COL4A2: variants seen among roughly 807,000 people sequenced by gnomAD.
COL4A2 encodes the protein collagen type IV alpha 2 chain.
A neutral mutation model predicts 200.2 loss-of-function variants in COL4A2; 99 were observed. The ratio of observed to expected loss-of-function variants is 0.49; its 90% CI spans 0.42 to 0.58. The LOEUF is 0.58. Among genes scored for constraint, COL4A2 ranks in the 20% least tolerant of loss-of-function variants. COL4A2 has a pLI of 0.00. For missense variants in COL4A2, 1,950 were observed against 2,314.1 expected (o/e 0.84, Z 3.23); for synonymous variants, 897 against 900.6 (o/e 1.00, Z 0.07).
At chr13:110,505,119 G>T (rs747828601) in intron 45 of COL4A2, among the ~76,000 whole-genome samples, 2 of 151,900 alleles carry the variant, frequency 1.3e-5, no homozygotes, top group Non-Finnish European at 2.9e-5. Context: ...GGGAGGCTGA[G>T]GTGGGCGGAT....
In COL4A2 at chr13:110,448,317, C is replaced by T. The variant is rs545321481; in HGVS notation, c.1079-1362C>T. Reference sequence around the variant, plus strand: ...GAGAACCCAACTCTCACCAACCCCTCCCTTCTCACCGTACTATATTCCTGG... The same window carrying T: ...GAGAACCCAACTCTCACCAACCCCTTCCTTCTCACCGTACTATATTCCTGG... On this transcript the variant is annotated intron_variant, in intron 18 of 47. Coordinates refer to ENST00000360467, the MANE Select transcript of COL4A2 (RefSeq NM_001846.4). Among the ~76,000 whole-genome samples the T allele has an allele frequency of 2.6e-5, 4 of 152,350 alleles. No individual in the cohort carries two copies. The South Asian group carries it at 8.3e-4, about 32-fold the overall frequency.
chr13:110,383,553 C>T (rs1285305900), intron 4 of COL4A2, among the ~76,000 whole-genome samples: 2 of 150,496 alleles, frequency 1.3e-5, no homozygotes, highest in East Asian at 3.9e-4. Context: ...ACATAATAAA[C>T]CAAGATGCTA....
chr13:110,479,454 G>A (rs572090378), intron 30 of COL4A2, among the ~76,000 whole-genome samples: 1 of 152,404 alleles, frequency 6.6e-6, no homozygotes, highest in South Asian at 2.1e-4. Flanking sequence ...GACCACCCCA[G>A]CAGAGGCAGA....
chr13:110,441,065 G>A (rs1566534722), intron 16 of COL4A2, among the ~76,000 whole-genome samples: 2 of 152,176 alleles, frequency 1.3e-5, no homozygotes, highest in African/African-American at 2.4e-5. Context: ...CAGTCACCTC[G>A]GTGGTACACA....
chr13:110,383,426 A>G (rs930887937), intron 4 of COL4A2, among the ~76,000 whole-genome samples: 3 of 152,160 alleles, frequency 2.0e-5, no homozygotes, highest in African/African-American at 7.2e-5. Flanking sequence ...TATCTGATAA[A>G]TGCTAATACT....
intron 4 of COL4A2, among the ~76,000 whole-genome samples, chr13:110,406,738 T>C (rs1879586601): frequency 6.6e-6 from 1 of 152,196 alleles, no homozygotes; most frequent in Non-Finnish European, 1.5e-5. Context: ...TCTCTCATGT[T>C]TTTTCTCCGT....
intron 16 of COL4A2, among the ~76,000 whole-genome samples, chr13:110,440,614 G>A (rs904274746): frequency 1.3e-5 from 2 of 152,032 alleles, no homozygotes; most frequent in East Asian, 3.9e-4. Context: ...TAATAATAAT[G>A]ATAAAATTTT....
intron 4 of COL4A2, among the ~76,000 whole-genome samples, chr13:110,410,149 C>T (rs1242228054): frequency 6.6e-6 from 1 of 152,196 alleles, no homozygotes; most frequent in East Asian, 1.9e-4. Flanking sequence ...GCCATTTAAC[C>T]TTCCTCACAC....
intron 31 of COL4A2, 90 bp downstream of exon 31, chr13:110,480,480 T>C: frequency 7.4e-7 from 1 of 1,359,020 alleles, no homozygotes; most frequent in Non-Finnish European, 9.8e-7. Context: ...GGCGCCTCTG[T>C]GGGCCGTGGG....
intron 40 of COL4A2, among the ~76,000 whole-genome samples, chr13:110,498,046 G>C (rs992069479): frequency 7.2e-5 from 11 of 152,264 alleles, no homozygotes; most frequent in African/African-American, 2.7e-4. Context: ...CCTCCCAGGA[G>C]CCCAGCAGTA....
chr13:110,473,006 C>T lies in COL4A2; in HGVS notation c.2281C>T (p.Pro761Ser). 1 of 1,527,768 alleles carries T rather than the reference C, an allele frequency of 6.5e-7. No homozygotes were observed. Among genetic ancestry groups the T allele is most frequent in the Non-Finnish European group, 8.8e-7 (1 of 1,138,462 alleles). The allele number at this position is 1,527,768 out of a possible 1,614,324, so 94.6% of individuals were successfully genotyped here. A position where few individuals can be genotyped will look rare whatever the true frequency, so the allele number is the denominator to read the frequency against. The stretch of plus-strand genomic sequence containing the variant: ...TGGATCCCCAGGTCCCATCGGCCTG[C>T]CAGGGCCAGATGGGCCCCCTGGGGA... The part of the protein sequence containing the change: ...PDGSPGPIGL[P>S]GPDGPPGERG... The change falls in exon 29 of 48, where the codon CCA becomes TCA. Residue 761 changes from proline to serine, a missense_variant. Physicochemically the swap from Pro to Ser is moderately conservative, Grantham distance 74. This residue lies in a region of COL4A2 where 1,385 missense variants were observed against 1,720.5 expected (regional missense o/e 0.80). Transcript: ENST00000360467.
intron 26 of COL4A2, 105 bp downstream of exon 26, chr13:110,466,167 T>G: frequency 7.4e-7 from 1 of 1,345,212 alleles, no homozygotes; most frequent in Non-Finnish European, 1.0e-6. Flanking sequence ...TAATAATATG[T>G]GCAAGCCACG....
chr13:110,445,412 T>A (rs145501758), intron 16 of COL4A2, among the ~76,000 whole-genome samples: 2 of 152,160 alleles, frequency 1.3e-5, no homozygotes, highest in Admixed American at 1.3e-4. Context: ...CCAGCCCTAA[T>A]GACTCACGTG....
At chr13:110,331,301 C>T (rs904989562) in intron 3 of COL4A2, among the ~76,000 whole-genome samples, 2 of 152,182 alleles carry the variant, frequency 1.3e-5, no homozygotes, top group African/African-American at 2.4e-5. Flanking sequence ...GATAGAAAAC[C>T]TACCCCAAAT....
intron 13 of COL4A2, among the ~76,000 whole-genome samples, chr13:110,437,494 C>T (rs1387551670): frequency 1.3e-5 from 2 of 152,190 alleles, no homozygotes; most frequent in Non-Finnish European, 2.9e-5. Context: ...GTTTCTTTCA[C>T]CATTTTAGAC....
rs377582368 is a variant in COL4A2, at chr13:110,418,340, G to A, written c.181-6394G>A. The stretch of plus-strand genomic sequence containing the variant: ...GTCCCCTGCCTTTTTATTTTTAACT[G>A]TATCTTTTGACAATCAAACTTTTTA... On this transcript the variant is annotated intron_variant, in intron 4 of 47. Coordinates refer to ENST00000360467, the MANE Select transcript of COL4A2 (RefSeq NM_001846.4). Among the ~76,000 whole-genome samples the A allele has an allele frequency of 5.9e-5, 9 of 152,242 alleles. 1 individual carries two copies. Among genetic ancestry groups the A allele is most frequent in the Admixed American group, 2.6e-4 (4 of 15,292 alleles).
intron 3 of COL4A2, among the ~76,000 whole-genome samples, chr13:110,327,757 G>C (rs1875696027): frequency 6.6e-6 from 1 of 152,172 alleles, no homozygotes; most frequent in African/African-American, 2.4e-5. Flanking sequence ...CCACACCCCA[G>C]CTAATTCTGT....
At chr13:110,478,532 G>A (rs1024751730) in intron 30 of COL4A2, among the ~76,000 whole-genome samples, 1 of 152,204 alleles carries the variant, frequency 6.6e-6, no homozygotes, top group African/African-American at 2.4e-5. Flanking sequence ...GGAAACCTGG[G>A]GTAGATGGGC....
chr13:110,452,296 G>A (rs1881567200), intron 20 of COL4A2, among the ~76,000 whole-genome samples: 1 of 150,790 alleles, frequency 6.6e-6, no homozygotes, highest in South Asian at 2.1e-4. Context: ...CCGCGCAGCT[G>A]GGACCACAGG....
Sources: gnomAD v4.1 joint callset for allele counts (sites outside exome capture counted in the v4.1 genomes callset) on GRCh38, gnomAD v4.1.1 for gene constraint, gnomAD v4.1.1 regional missense constraint, MANE v1.5 for transcripts, NCBI Gene and HGNC (gene_info 2026-07-23, HGNC 2026-07-21) for gene names.